Variants in TFAP2A observed in about 807,000 individuals in gnomAD.
TFAP2A encodes transcription factor AP-2 alpha.
A neutral mutation model predicts 41.5 loss-of-function variants in TFAP2A; 7 were observed. That is an observed-to-expected ratio of 0.17 (90% CI 0.10 to 0.32). TFAP2A has a LOEUF of 0.32. Among genes scored for constraint, TFAP2A ranks in the 10% least tolerant of loss-of-function variants. The probability of loss-of-function intolerance (pLI) is 1.00; values close to 1 mark genes in which losing one functional copy is unlikely to be tolerated. For missense variants in TFAP2A, 416 were observed against 563.3 expected (o/e 0.74, Z 2.65); for synonymous variants, 247 against 242.8 (o/e 1.02, Z -0.16).
At chr6:10,410,683 C>T (rs1259626578) in intron 1 of TFAP2A, among the ~76,000 whole-genome samples, 3 of 152,188 alleles carry the variant, frequency 2.0e-5, no homozygotes, top group East Asian at 3.8e-4. Flanking sequence ...ACAGCAGAAG[C>T]GGCCTTTTCT....
In TFAP2A at chr6:10,398,296, GGCAGCA is replaced by G. The variant is rs1264691695; in HGVS notation, c.*115_*120del. On this transcript the variant is annotated 3_prime_UTR_variant, in exon 7 of 7. Coordinates refer to ENST00000379613, the MANE Select transcript of TFAP2A (RefSeq NM_001372066.1). The surrounding 1 kb of genome is among the most constrained non-coding windows in gnomAD (Gnocchi z 5.3). ...CAAGGGCAGCGGCGGCGGCGGCGGC[GGCAGCA>G]GCAGCAGCAGTAGCAGCAGCAGGAA... is the stretch of plus-strand genomic sequence containing the variant. 27 of 1,577,054 alleles carry G rather than the reference GGCAGCA, an allele frequency of 1.7e-5. No homozygotes were observed. Among genetic ancestry groups the G allele is most frequent in the South Asian group, 6.8e-5 (6 of 88,288 alleles).
chr6:10,402,212 G>A, intron 5 of TFAP2A: 2 of 510,774 alleles, frequency 3.9e-6, no homozygotes, highest in South Asian at 3.2e-5. Flanking sequence ...AGACAAACTT[G>A]GAGAATGTGC....
chr6:10,419,508 C>T (rs1460101027), upstream of TFAP2A: 1 of 1,609,194 alleles, frequency 6.2e-7, no homozygotes, highest in Non-Finnish European at 8.5e-7. Context: ...AGGGCTCGGT[C>T]GGGCCAGCTC....
At chr6:10,413,107 G>T (rs993949846) in intron 1 of TFAP2A, among the ~76,000 whole-genome samples, 1 of 152,086 alleles carries the variant, frequency 6.6e-6, no homozygotes, top group Non-Finnish European at 1.5e-5. Flanking sequence ...CAGTCTACCC[G>T]CCAGGTTGTC....
chr6:10,404,747 G>C lies in TFAP2A; in HGVS notation c.539-8C>G, dbSNP rs1451703628. ...TGGACAGGGACACGGGGCCTGCGGA[G>C]ACAGAGGGGAGGCCGCGTGTTGGGC... On this transcript the variant is annotated splice_polypyrimidine_tract_variant and splice_region_variant and intron_variant, in intron 3 of 6. Coordinates refer to ENST00000379613, the MANE Select transcript of TFAP2A (RefSeq NM_001372066.1). 3 of 1,612,762 alleles carry C rather than the reference G, an allele frequency of 1.9e-6. No individual in the cohort carries two copies. In the Admixed American group the frequency reaches 5.0e-5, roughly 27 times the overall value.
upstream of TFAP2A, chr6:10,415,274 T>C: frequency 7.1e-7 from 1 of 1,412,072 alleles, no homozygotes; most frequent in South Asian, 1.5e-5. Context: ...GTAGAAACTT[T>C]TCCCTTTTCC....
At chr6:10,411,794 C>T (rs769041892) in intron 1 of TFAP2A, 5 of 1,445,108 alleles carry the variant, frequency 3.5e-6, no homozygotes, top group Middle Eastern at 5.1e-4. Flanking sequence ...ACCACCGATT[C>T]GCGCGGCGCC....
At chr6:10,406,688 C>G (rs1198763438) in intron 3 of TFAP2A, 105 bp downstream of exon 3, 2 of 1,012,190 alleles carry the variant, frequency 2.0e-6, no homozygotes, top group Non-Finnish European at 3.2e-6. Context: ...AATTCTGAGC[C>G]TTTAGGAAAT....
intron 5 of TFAP2A, 109 bp from the exon 6 acceptor site, chr6:10,400,698 A>G: frequency 1.6e-6 from 2 of 1,259,050 alleles, no homozygotes; most frequent in Non-Finnish European, 2.3e-6. Context: ...ATGTTGCAGG[A>G]AACACAAACT....
upstream of TFAP2A, chr6:10,418,122 C>A (rs1312994495): frequency 7.9e-5 from 12 of 152,228 alleles, no homozygotes; most frequent in Admixed American, 7.8e-4. Context: ...ATGGGATTTG[C>A]ATCCTTAAAC....
Position 10,410,184 on chromosome 6 carries a change from T to C in TFAP2A, c.203A>G (p.Tyr68Cys), listed in dbSNP as rs758018662. The part of the protein sequence containing the change: ...PYFPPPYQPI[Y>C]PQSQDPYSHV... ...GGAGTAAGGATCTTGCGACTGGGGG[T>C]AGATAGGCTGGTAGGGTGGGGGGAA... Residue 68 changes from tyrosine (Y) to cysteine (C), a missense_variant, in exon 2 of 7, where the codon TAC becomes TGC. This residue lies in a region of TFAP2A where 241 missense variants were observed against 274.1 expected (regional missense o/e 0.88). Coordinates refer to ENST00000379613, the MANE Select transcript of TFAP2A (RefSeq NM_001372066.1). 3.2e-6 allele frequency: 4 copies of C among 1,242,534 alleles called. No individual in the cohort carries two copies. The highest frequency in any genetic ancestry group is 2.1e-5 in the African/African-American group (1 of 47,288). The allele number at this position is 1,242,534 out of a possible 1,614,324, so 77.0% of individuals were successfully genotyped here. A position where few individuals can be genotyped will look rare whatever the true frequency, so the allele number is the denominator to read the frequency against.
chr6:10,418,009 G>T (rs998842787), upstream of TFAP2A, among the ~76,000 whole-genome samples: 6 of 152,230 alleles, frequency 3.9e-5, no homozygotes, highest in Admixed American at 6.5e-5. Flanking sequence ...TGCTCCGAAA[G>T]GACTCCCCCA....
At chr6:10,414,776 G>T in intron 1 of TFAP2A, 165 bp downstream of exon 1, 1 of 921,762 alleles carries the variant, frequency 1.1e-6, no homozygotes, top group Non-Finnish European at 1.7e-6. Context: ...TCTCTCTGCA[G>T]CTTCTCCCCC....
intron 4 of TFAP2A, 32 bp downstream of exon 4, chr6:10,404,476 G>A (rs780486185): frequency 1.4e-6 from 2 of 1,451,122 alleles, no homozygotes; most frequent in East Asian, 2.8e-5. Flanking sequence ...CCGGCCGCGG[G>A]GCGGGGCGGG....
chr6:10,419,377 C>T (rs1407946183), upstream of TFAP2A: 14 of 1,610,448 alleles, frequency 8.7e-6, no homozygotes, highest in East Asian at 2.9e-4. Context: ...CCTACTCCAC[C>T]CCTGCCCACC....
rs563552764 is a variant in TFAP2A, at chr6:10,413,626, C to T, written c.51+1315G>A. On this transcript the variant is annotated intron_variant, in intron 1 of 6. Coordinates refer to ENST00000379613, the MANE Select transcript of TFAP2A (RefSeq NM_001372066.1). ...TCCCTGCGCCCCTCCTCTAGCGCGA[C>T]AGGACCCCCCCAGGGAAGAGCCAGT... 2.6e-3 allele frequency among the ~76,000 whole-genome samples: 390 copies of T among 152,348 alleles called. 3 individuals are homozygous for T. Among genetic ancestry groups the T allele is most frequent in the African/African-American group, 8.9e-3 (369 of 41,586 alleles).
Position 10,404,743 on chromosome 6 carries a change from C to A in TFAP2A, c.539-4G>T. On this transcript the variant is annotated splice_polypyrimidine_tract_variant and splice_region_variant and intron_variant, in intron 3 of 6. Transcript: ENST00000379613. Reference sequence around the variant, plus strand: ...GACTTGGACAGGGACACGGGGCCTGCGGAGACAGAGGGGAGGCCGCGTGTT... The same window carrying A: ...GACTTGGACAGGGACACGGGGCCTGAGGAGACAGAGGGGAGGCCGCGTGTT... 6.2e-7 allele frequency: 1 copy of A among 1,613,624 alleles called. No homozygotes were observed. Among genetic ancestry groups the A allele is most frequent in the South Asian group, 1.1e-5 (1 of 91,076 alleles).
At chr6:10,407,042 T>A in intron 2 of TFAP2A, 198 bp from the exon 3 acceptor site, 1 of 606,152 alleles carries the variant, frequency 1.6e-6, no homozygotes, top group South Asian at 2.0e-5. Flanking sequence ...TGCACACCCA[T>A]GGCCAATTTC....
chr6:10,419,295 C>T, upstream of TFAP2A: 2 of 1,161,510 alleles, frequency 1.7e-6, no homozygotes, highest in Non-Finnish European at 1.3e-6. Flanking sequence ...CGCTGCCAGG[C>T]GCGCCTCACC....
Sources: gnomAD v4.1 joint callset for allele counts (sites outside exome capture counted in the v4.1 genomes callset) on GRCh38, gnomAD v4.1.1 for gene constraint, gnomAD v4.1.1 regional missense constraint, Gnocchi (gnomAD v3.1) non-coding constraint, MANE v1.5 for transcripts, NCBI Gene and HGNC (gene_info 2026-07-23, HGNC 2026-07-21) for gene names.